The following MAD2L2 variants were observed in gnomAD, a reference collection of about 807,000 sequenced individuals.
MAD2L2 encodes the protein mitotic spindle assembly checkpoint protein MAD2B.
Under a neutral mutation model 30.5 loss-of-function variants are expected in MAD2L2, and 17 were observed. The observed-to-expected ratio is 0.56, with a 90% CI of 0.38 to 0.84. The LOEUF (loss-of-function observed/expected upper bound fraction) is 0.84, where lower values mean the gene tolerates loss of function less well. MAD2L2 is among the 40% of genes least tolerant of loss of function. The pLI, the probability that MAD2L2 is intolerant of heterozygous loss-of-function variation, is 0.00. For synonymous variants in MAD2L2, 101 were observed against 113.9 expected (o/e 0.89, Z 0.72); for missense variants, 213 against 277.4 (o/e 0.77, Z 1.65).
intron 7 of MAD2L2, 85 bp from the exon 8 acceptor site, chr1:11,675,259 G>A: frequency 1.1e-6 from 1 of 901,466 alleles, no homozygotes; most frequent in Non-Finnish European, 1.7e-6. Context: ...TCCAGACCAG[G>A]GGCCTCCAAC....
chr1:11,691,630 C>G, exon 1 of MAD2L2: 1 of 150,092 alleles, frequency 6.7e-6, no homozygotes, highest in African/African-American at 2.4e-5. Context: ...CAGTCGAGCC[C>G]GCCACCCGCC....
chr1:11,674,532 G>T lies in MAD2L2; in HGVS notation c.*243C>A. The T allele has an allele frequency of 1.9e-6, 1 of 521,868 alleles. No homozygotes were observed. The highest frequency in any genetic ancestry group is 3.4e-5 in the Admixed American group (1 of 29,840). The allele number at this position is 521,868 out of a possible 1,614,324, so 32.3% of individuals were successfully genotyped here. On this transcript the variant is annotated 3_prime_UTR_variant, in exon 9 of 9. Coordinates refer to ENST00000376692, the MANE Select transcript of MAD2L2 (RefSeq NM_006341.4). The surrounding 1 kb of genome is among the most constrained non-coding windows in gnomAD (Gnocchi z 6.1). ...TGAAACAACTCACAGCACAGTATTT[G>T]AGACAGACAGTGTTGGCCGGCGGAA...
chr1:11,689,871 C>T (rs1466529049), intron 1 of MAD2L2, among the ~76,000 whole-genome samples: 1 of 152,000 alleles, frequency 6.6e-6, no homozygotes, highest in African/African-American at 2.4e-5. Context: ...TCCCAGCTCC[C>T]TGTCTGATGT....
intron 8 of MAD2L2, 30 bp downstream of exon 8, chr1:11,675,052 T>A (rs1640733861): frequency 3.9e-6 from 6 of 1,541,752 alleles, no homozygotes; most frequent in Non-Finnish European, 5.3e-6. Context: ...AGCCCCTAAA[T>A]AAAGCTTCCC....
upstream of MAD2L2, among the ~76,000 whole-genome samples, chr1:11,683,546 G>A (rs942223237): frequency 6.6e-6 from 1 of 152,040 alleles, no homozygotes; most frequent in African/African-American, 2.4e-5. Flanking sequence ...GTGAGGGAAG[G>A]GTGGGAAGGT....
At chr1:11,686,443 T>C (rs2143296) in intron 1 of MAD2L2, among the ~76,000 whole-genome samples, 26,837 of 152,180 alleles carry the variant, frequency 0.18, 2,590 homozygotes, top group Admixed American at 0.23. Flanking sequence ...TCATCTGCTC[T>C]TTTTTCATAG....
rs139684071 is a variant in MAD2L2, at chr1:11,689,577, G to C, written c.-692+1836C>G. On this transcript the variant is annotated intron_variant, in intron 1 of 10. Transcript: ENST00000235310. ...TGCCACTGCACTCCAGCCTGGGTGA[G>C]AGCAAGACTCCCTCTCAAAAAGAAA... 6.0e-3 allele frequency among the ~76,000 whole-genome samples: 918 copies of C among 152,078 alleles called. 13 individuals are homozygous for C. The highest frequency in any genetic ancestry group is 0.02 in the African/African-American group (818 of 41,494).
intron 5 of MAD2L2, 65 bp downstream of exon 5, chr1:11,676,783 G>C (rs1321199505): frequency 7.8e-7 from 1 of 1,286,390 alleles, no homozygotes; most frequent in South Asian, 1.2e-5. Context: ...CGCCTTAAAG[G>C]GGTGGGTGTG....
rs374564736 is a variant in MAD2L2, at chr1:11,677,665, C to T, written c.160-51G>A. ...GAGGCCCAAAGCACAGATGGGGAAA[C>T]CACCCAACACAACCAGGAGCCTAAG... On this transcript the variant is annotated intron_variant, in intron 3 of 8. Coordinates refer to ENST00000376692, the MANE Select transcript of MAD2L2 (RefSeq NM_006341.4). The T allele has an allele frequency of 7.5e-5, 112 of 1,484,724 alleles. 2 individuals carry two copies. The highest frequency in any genetic ancestry group is 5.2e-4 in the East Asian group (23 of 44,176). 92.0% of individuals were successfully genotyped at this position (1,484,724 alleles called of 1,614,324 possible). A position where few individuals can be genotyped will look rare whatever the true frequency, so the allele number is the denominator to read the frequency against.
chr1:11,680,276 GT>G, intron 3 of MAD2L2, 76 bp downstream of exon 3: 2 of 577,792 alleles, frequency 3.5e-6, no homozygotes, highest in Non-Finnish European at 5.2e-6. Context: ...GATTACAGGC[GT>G]GAGCCACGGC....
At chr1:11,682,572 AG>A (rs144886347), upstream of MAD2L2, among the ~76,000 whole-genome samples, 1,341 of 151,974 alleles carry the variant, frequency 8.8e-3, 4 homozygotes, top group Non-Finnish European at 0.015. Flanking sequence ...ATGCAGTCCT[AG>A]GAAATCTGCA....
Position 11,674,949 on chromosome 1 carries a change from T to G in MAD2L2, c.594+133A>C, listed in dbSNP as rs554256015. 3.2e-5 allele frequency: 41 copies of G among 1,300,174 alleles called. No homozygotes were observed. The African/African-American group carries it at 5.6e-4, about 18-fold the overall frequency. 80.5% of individuals were successfully genotyped at this position (1,300,174 alleles called of 1,614,324 possible). A position where few individuals can be genotyped will look rare whatever the true frequency, so the allele number is the denominator to read the frequency against. On this transcript the variant is annotated intron_variant, in intron 8 of 8. Coordinates refer to ENST00000376692, the MANE Select transcript of MAD2L2 (RefSeq NM_006341.4). This position sits in a 1 kb window ranked among gnomAD's most constrained non-coding sequence, Gnocchi z 6.1. ...TGGCCATAGCCATGGTGGAGAAGAG[T>G]AGAGATGGGAGGAGCCCTCCACCAG...
Position 11,674,604 on chromosome 1 carries a change from C to G in MAD2L2, c.*171G>C, listed in dbSNP as rs1464726505. 6 of 647,336 alleles carry G rather than the reference C, an allele frequency of 9.3e-6. No individual in the cohort carries two copies. Among genetic ancestry groups the G allele is most frequent in the Admixed American group, 8.3e-5 (3 of 35,960 alleles). The allele number at this position is 647,336 out of a possible 1,614,324, so 40.1% of individuals were successfully genotyped here. A position where few individuals can be genotyped will look rare whatever the true frequency, so the allele number is the denominator to read the frequency against. On this transcript the variant is annotated 3_prime_UTR_variant, in exon 9 of 9. Coordinates refer to ENST00000376692, the MANE Select transcript of MAD2L2 (RefSeq NM_006341.4). This position sits in a 1 kb window ranked among gnomAD's most constrained non-coding sequence, Gnocchi z 6.1. ...AGGTTGCGGCATCCCTCACTGCCCTCCTGGGGGAGGCATCCTCCAAGCAGA... is the reference window on the plus strand; with the variant it reads ...AGGTTGCGGCATCCCTCACTGCCCTGCTGGGGGAGGCATCCTCCAAGCAGA...
chr1:11,675,629 C>G (rs371168357), intron 7 of MAD2L2, 29 bp downstream of exon 7: 1 of 1,607,038 alleles, frequency 6.2e-7, no homozygotes, highest in Middle Eastern at 1.7e-4. Context: ...CTAGAGCCTG[C>G]GCCCAGACCC....
chr1:11,682,378 CGTCT>C (rs985418536), upstream of MAD2L2, among the ~76,000 whole-genome samples: 1 of 152,200 alleles, frequency 6.6e-6, no homozygotes, highest in African/African-American at 2.4e-5. Flanking sequence ...TAGTCCCATC[CGTCT>C]GTTTGGACAC....
At position 11,675,337 on chromosome 1, in the gene MAD2L2, AG is replaced by A. The variant is rs1397827829; in HGVS notation, c.502-164del. On this transcript the variant is annotated intron_variant, in intron 7 of 8. Transcript: ENST00000376692. Reference sequence around the variant, plus strand: ...CCAGGACCGCCCCCATCCCCCACAGAGGCCAAGTCCATAGAACCCAAGTGAC... The same window carrying A: ...CCAGGACCGCCCCCATCCCCCACAGAGCCAAGTCCATAGAACCCAAGTGAC... Among the ~76,000 whole-genome samples the A allele has an allele frequency of 2.0e-5, 3 of 152,202 alleles. No individual in the cohort carries two copies. In the South Asian group the frequency reaches 6.2e-4, roughly 31 times the overall value.
At position 11,674,707 on chromosome 1, in the gene MAD2L2, G is replaced by C. The variant is rs1416001193; in HGVS notation, c.*68C>G. On this transcript the variant is annotated 3_prime_UTR_variant, in exon 9 of 9. Transcript: ENST00000376692. This position sits in a 1 kb window ranked among gnomAD's most constrained non-coding sequence, Gnocchi z 6.1. Reference sequence around the variant, plus strand: ...CACTTGGAATCAGGGCAGCCATGCAGCACTGCCCTAGGCGGGGATCCCCCA... The same window carrying C: ...CACTTGGAATCAGGGCAGCCATGCACCACTGCCCTAGGCGGGGATCCCCCA... The C allele has an allele frequency of 4.7e-6, 7 of 1,495,862 alleles. No homozygotes were observed. The African/African-American group carries it at 8.3e-5, about 18-fold the overall frequency. 92.7% of individuals were successfully genotyped at this position (1,495,862 alleles called of 1,614,324 possible).
At chr1:11,689,292 CAAAAAAAAA>C (rs70983584) in intron 1 of MAD2L2, among the ~76,000 whole-genome samples, 1 of 67,986 alleles carries the variant, frequency 1.5e-5, no homozygotes, top group Non-Finnish European at 2.6e-5. Flanking sequence ...GACTCTGTCT[CAAAAAAAAA>C]AAAAAAAAAA....
intron 8 of MAD2L2, 38 bp downstream of exon 8, chr1:11,675,044 C>T: frequency 6.6e-7 from 1 of 1,516,544 alleles, no homozygotes; most frequent in Non-Finnish European, 9.0e-7. Context: ...CGTTAAGCAG[C>T]CCCTAAATAA....
Sources: gnomAD v4.1 joint callset for allele counts (sites outside exome capture counted in the v4.1 genomes callset) on GRCh38, gnomAD v4.1.1 for gene constraint, Gnocchi (gnomAD v3.1) non-coding constraint, MANE v1.5 for transcripts, NCBI Gene and HGNC (gene_info 2026-07-23, HGNC 2026-07-21) for gene names.